Variants in PLXNB3 observed in about 807,000 individuals in gnomAD.
PLXNB3 encodes the protein plexin B3, also known as plexin-B3.
In PLXNB3, 80 loss-of-function variants were observed where a neutral mutation model predicts 125.7. The ratio of observed to expected loss-of-function variants is 0.64; its 90% confidence interval spans 0.53 to 0.77. PLXNB3 has a LOEUF of 0.77. Among genes scored for constraint, PLXNB3 ranks in the 30% least tolerant of loss-of-function variants. The pLI is 0.00. For synonymous variants in PLXNB3, 954 were observed against 783.3 expected, an observed-to-expected ratio of 1.22 and a Z score of -3.64; for missense variants, 1,836 against 1,729.3, an observed-to-expected ratio of 1.06 and a Z score of -1.09.
rs2091982580 is a variant in PLXNB3 at position 153,776,126 on chromosome X, C to T, written c.4641C>T (p.Thr1547=). Residue 1547 remains threonine, a synonymous_variant, in exon 27 of 36, where the codon ACC becomes ACT. Coordinates refer to ENST00000361971, the MANE Select transcript of PLXNB3 (RefSeq NM_005393.3). ...CAGCCCGGGTGCTCGACACGGACAC[C>T]ATCACCCAGGTCAAGGAGAAGGTGT... ...RVPARVLDTD[T]ITQVKEKVLD... The T allele has an allele frequency of 1.7e-6, 2 of 1,204,649 alleles. No homozygotes were observed. The highest frequency in any genetic ancestry group is 2.4e-4 in the Middle Eastern group (1 of 4,160).
rs782507197 is a variant in PLXNB3, at chrX:153,768,337, A to T, written c.1175A>T (p.Lys392Met). 1 of 1,210,502 alleles carries T rather than the reference A, an allele frequency of 8.3e-7. No homozygotes were observed. The highest frequency in any genetic ancestry group is 1.1e-6 in the Non-Finnish European group (1 of 894,867). The change falls in exon 4 of 36, where the codon AAG becomes ATG. Residue 392 changes from lysine to methionine, a missense_variant. By Grantham distance (95) the Lys-to-Met change is moderately conservative. Coordinates refer to ENST00000361971, the MANE Select transcript of PLXNB3 (RefSeq NM_005393.3). ...RQPLEVQPLL[K>M]LGQPVSAVAA... ...CCCCTGGAGGTCCAGCCTCTGCTGA[A>T]GCTCGGGCAGCCGGTCAGCGCCGTG...
At position 153,776,421 on chromosome X, in the gene PLXNB3, A is replaced by T. The variant is rs782803873; in HGVS notation, c.4795A>T (p.Asn1599Tyr). 1.2e-5 allele frequency: 14 copies of T among 1,173,663 alleles called. No homozygotes were observed. The East Asian group carries it at 3.9e-4, about 33-fold the overall frequency. Residue 1599 changes from asparagine (N) to tyrosine (Y), a missense_variant, in exon 28 of 36, where the codon AAC becomes TAC. Asn to Tyr is a moderately radical substitution (Grantham distance 143). Transcript: ENST00000361971. Reference protein sequence around the residue: ...SDEDLTSVTQNHWKRLNTLQH... With the variant: ...SDEDLTSVTQYHWKRLNTLQH... ...CGAAGACTTGACCTCCGTGACCCAA[A>T]ACCACTGGAAGAGACTCAACACCTT...
At chrX:153,766,505 C>T (rs1296271029) in intron 2 of PLXNB3, 1 of 1,041,928 alleles carries the variant, frequency 9.6e-7, no homozygotes, top group East Asian at 3.6e-5. Context: ...CCTGCCCCCT[C>T]TGTGACTCAC....
In PLXNB3 at chrX:153,770,263, G is replaced by C. The variant is rs1269723577; in HGVS notation, c.1786+15G>C. On this transcript the variant is annotated intron_variant, in intron 8 of 35. Transcript: ENST00000361971. ...TCCAGGCACAGGTGAGTGGCCCATGGGGTAGGGGGCTGGGATGGAGGCTGG... is the reference window on the plus strand; with the variant it reads ...TCCAGGCACAGGTGAGTGGCCCATGCGGTAGGGGGCTGGGATGGAGGCTGG... 9.9e-6 allele frequency: 12 copies of C among 1,209,677 alleles called. No individual in the cohort carries two copies. Among genetic ancestry groups the C allele is most frequent in the Non-Finnish European group, 1.3e-5 (12 of 894,563 alleles).
At position 153,767,284 on chromosome X, in the gene PLXNB3, T is replaced by C. The variant is rs781908260; in HGVS notation, c.457T>C (p.Tyr153His). Residue 153 changes from tyrosine to histidine, a missense_variant, in exon 3 of 36, where the codon TAC becomes CAC. Coordinates refer to ENST00000361971, the MANE Select transcript of PLXNB3 (RefSeq NM_005393.3). ...CCTTGGGGATGTGGCCGAGGTGCTG[T>C]ACCAGGCTGAGGACCCTGGTGACGG... Reference protein sequence around the residue: ...RRLGDVAEVLYQAEDPGDGQF... With the variant: ...RRLGDVAEVLHQAEDPGDGQF... The C allele has an allele frequency of 1.7e-5, 21 of 1,205,446 alleles. No individual in the cohort carries two copies. Among genetic ancestry groups the C allele is most frequent in the Non-Finnish European group, 1.9e-5 (17 of 892,872 alleles).
In PLXNB3 at chrX:153,778,248, C is replaced by A; in HGVS notation, c.5410-13C>A. ...CGAGCTCATGCCTAGCGCCTCCCCTCCCTCCGGAGCAGGATTCCCCAGTGA... is the reference window on the plus strand; with the variant it reads ...CGAGCTCATGCCTAGCGCCTCCCCTACCTCCGGAGCAGGATTCCCCAGTGA... On this transcript the variant is annotated splice_polypyrimidine_tract_variant and intron_variant, in intron 32 of 35. Coordinates refer to ENST00000361971, the MANE Select transcript of PLXNB3 (RefSeq NM_005393.3). 1 of 1,198,675 alleles carries A rather than the reference C, an allele frequency of 8.3e-7. No homozygotes were observed. Among genetic ancestry groups the A allele is most frequent in the Non-Finnish European group, 1.1e-6 (1 of 887,512 alleles).
intron 13 of PLXNB3, 41 bp downstream of exon 13, chrX:153,771,444 G>T (rs781902531): frequency 1.7e-6 from 2 of 1,208,569 alleles, no homozygotes; most frequent in Non-Finnish European, 2.2e-6. Flanking sequence ...CAGGGTGGGT[G>T]GCAGACAGGA....
chrX:153,774,275 C>T lies in PLXNB3; in HGVS notation c.3609C>T (p.Thr1203=). 2.5e-6 allele frequency: 3 copies of T among 1,176,800 alleles called. No individual in the cohort carries two copies. The highest frequency in any genetic ancestry group is 3.4e-6 in the Non-Finnish European group (3 of 881,961). The change falls in exon 21 of 36, where the codon ACC becomes ACT. Residue 1203 remains threonine (T), a synonymous_variant. Coordinates refer to ENST00000361971, the MANE Select transcript of PLXNB3 (RefSeq NM_005393.3). Reference sequence around the variant, plus strand: ...GCCTGGTGAAGACGCTCACGCGCACCCACCTGTACTGCGAGCCGCCTGCGC... The same window carrying T: ...GCCTGGTGAAGACGCTCACGCGCACTCACCTGTACTGCGAGCCGCCTGCGC... The part of the protein sequence containing the change: ...GECLVKTLTR[T]HLYCEPPAHA...
intron 15 of PLXNB3, 64 bp downstream of exon 15, chrX:153,772,079 G>T: frequency 9.0e-7 from 1 of 1,114,212 alleles, no homozygotes; most frequent in Non-Finnish European, 1.2e-6. Flanking sequence ...CAGAGATAAG[G>T]AAGGCCTGTG....
In PLXNB3 at chrX:153,777,294, G is replaced by A. The variant is rs782575528; in HGVS notation, c.5014G>A (p.Val1672Met). The A allele has an allele frequency of 2.5e-6, 3 of 1,205,644 alleles. No individual in the cohort carries two copies. The highest frequency in any genetic ancestry group is 3.4e-6 in the Non-Finnish European group (3 of 891,938). Residue 1672 changes from valine (V) to methionine (M), a missense_variant, in exon 30 of 36, where the codon GTG becomes ATG. Val to Met is a conservative substitution (Grantham distance 21). Transcript: ENST00000361971. ...KATEEPEGAK[V>M]RCSSLREREP... ...CACCGAGGAGCCAGAAGGGGCCAAG[G>A]TGCGGTGCAGCAGCCTGCGGGAGCG...
rs781899470 is a variant in PLXNB3, at chrX:153,775,357, C to G, written c.4288C>G (p.Leu1430Val). ...TDIMRTLLGD[L>V]AAHYVHRNPK... ...CATCATGAGGACCCTGCTGGGTGAC[C>G]TGGCGGCCCATTACGTGCACAGGAA... Residue 1430 changes from leucine (L) to valine (V), a missense_variant, in exon 25 of 36, where the codon CTG becomes GTG. Coordinates refer to ENST00000361971, the MANE Select transcript of PLXNB3 (RefSeq NM_005393.3). 1.7e-6 allele frequency: 2 copies of G among 1,209,115 alleles called. No homozygotes were observed. The highest frequency in any genetic ancestry group is 3.5e-5 in the South Asian group (2 of 56,619).
chrX:153,778,513 G>C, intron 34 of PLXNB3, 42 bp downstream of exon 34: 1 of 1,191,043 alleles, frequency 8.4e-7, no homozygotes, highest in Non-Finnish European at 1.1e-6. Context: ...ACACGTGGGT[G>C]GAAAGACTAG....
At position 153,778,655 on chromosome X, in the gene PLXNB3, T is replaced by C. The variant is rs782617221; in HGVS notation, c.5606T>C (p.Ile1869Thr). The C allele has an allele frequency of 6.7e-6, 8 of 1,202,944 alleles. No individual in the cohort carries two copies. The highest frequency in any genetic ancestry group is 9.0e-6 in the Non-Finnish European group (8 of 890,673). Reference sequence around the variant, plus strand: ...GCTCTGCAAGAACTCTACAACCACATCCACAGGTACTATGATCAGGTGAGG... The same window carrying C: ...GCTCTGCAAGAACTCTACAACCACACCCACAGGTACTATGATCAGGTGAGG... ...LEALQELYNH[I>T]HRYYDQIISA... Residue 1869 changes from isoleucine (I) to threonine (T), a missense_variant, in exon 35 of 36, where the codon ATC becomes ACC. Ile to Thr is a moderately conservative substitution (Grantham distance 89). Coordinates refer to ENST00000361971, the MANE Select transcript of PLXNB3 (RefSeq NM_005393.3).
In PLXNB3 at chrX:153,778,051, A is replaced by C. The variant is rs1286924099; in HGVS notation, c.5365A>C (p.Thr1789Pro). 8.3e-7 allele frequency: 1 copy of C among 1,210,303 alleles called. No homozygotes were observed. Among genetic ancestry groups the C allele is most frequent in the Non-Finnish European group, 1.1e-6 (1 of 895,241 alleles). ...CGCCATCCTTGCTGTCATCGCCCAG[A>C]CCTTCATTGACTCCTGTACCACCTC... is the stretch of plus-strand genomic sequence containing the variant. ...VDAILAVIAQ[T>P]FIDSCTTSEH... The change falls in exon 32 of 36, where the codon ACC becomes CCC. Residue 1789 changes from threonine to proline, a missense_variant. Coordinates refer to ENST00000361971, the MANE Select transcript of PLXNB3 (RefSeq NM_005393.3).
rs200016836 is a variant in PLXNB3 at position 153,765,504 on chromosome X, C to T, written c.-32C>T. ...CCCCCCGCAGCCATCTCATGCCCAT[C>T]GCCACTGCCCTGGGGCAGCTGAACT... On this transcript the variant is annotated 5_prime_UTR_variant, in exon 2 of 36. Coordinates refer to ENST00000361971, the MANE Select transcript of PLXNB3 (RefSeq NM_005393.3). The T allele has an allele frequency of 7.7e-4, 903 of 1,178,404 alleles. No individual in the cohort carries two copies. Among genetic ancestry groups the T allele is most frequent in the Non-Finnish European group, 9.4e-4 (828 of 878,207 alleles).
Position 153,778,943 on chromosome X carries a change from T to C in PLXNB3, c.5634T>C (p.Ser1878=). Residue 1878 remains serine, a synonymous_variant, in exon 36 of 36, where the codon AGT becomes AGC. Coordinates refer to ENST00000361971, the MANE Select transcript of PLXNB3 (RefSeq NM_005393.3). ...CTCCTCTGCCCGGGCAGATTATCAG[T>C]GCCCTGGAGGAGGACCCTGTGGGCC... ...HIHRYYDQII[S]ALEEDPVGQK... 5.1e-6 allele frequency: 6 copies of C among 1,177,344 alleles called. No homozygotes were observed. Among genetic ancestry groups the C allele is most frequent in the Non-Finnish European group, 6.8e-6 (6 of 878,742 alleles).
Position 153,777,939 on chromosome X carries a change from C to T in PLXNB3, c.5262-9C>T, listed in dbSNP as rs201199847. 5.2e-4 allele frequency: 626 copies of T among 1,200,844 alleles called. 1 individual carries two copies. The highest frequency in any genetic ancestry group is 6.5e-4 in the Non-Finnish European group (582 of 889,535). ...GGGCCTCACGCCCACGCCTGCCCTG[C>T]GCCCCCAGTCTGCTGCTGCGGTTCT... On this transcript the variant is annotated splice_polypyrimidine_tract_variant and intron_variant, in intron 31 of 35. Transcript: ENST00000361971.
chrX:153,773,490 C>T, intron 18 of PLXNB3, 28 bp from the exon 19 acceptor site: 1 of 1,185,259 alleles, frequency 8.4e-7, no homozygotes, highest in Non-Finnish European at 1.1e-6. Context: ...CCACCGCCCG[C>T]CCACACCCGA....
At position 153,769,877 on chromosome X, in the gene PLXNB3, A is replaced by C; in HGVS notation, c.1567A>C (p.Ser523Arg). 1 of 1,208,196 alleles carries C rather than the reference A, an allele frequency of 8.3e-7. No homozygotes were observed. The highest frequency in any genetic ancestry group is 1.1e-6 in the Non-Finnish European group (1 of 894,397). Residue 523 changes from serine (S) to arginine (R), a missense_variant, in exon 7 of 36, where the codon AGC (serine) becomes CGC (arginine). Physicochemically the swap from Ser to Arg is moderately radical, Grantham distance 110. Coordinates refer to ENST00000361971, the MANE Select transcript of PLXNB3 (RefSeq NM_005393.3). The stretch of plus-strand genomic sequence containing the variant: ...GTGGCTGTGGAGTTATGAGGAGGAC[A>C]GCCACTGCCTGCACATCCAGAGCCT... ...NQWLWSYEEDSHCLHIQSLLP... is the reference protein window; with the variant it reads ...NQWLWSYEEDRHCLHIQSLLP...
Sources: allele counts gnomAD v4.1 joint callset, GRCh38; gene constraint gnomAD v4.1.1; transcripts MANE v1.5; gene names NCBI Gene and HGNC (gene_info 2026-07-23, HGNC 2026-07-21).